The following UBE2R2 variants were observed in gnomAD, a reference collection of about 807,000 sequenced individuals.
The protein encoded by UBE2R2 is ubiquitin conjugating enzyme E2 R2.
UBE2R2 carries 1 observed loss-of-function variant against 27.8 expected under a neutral mutation model. The ratio of observed to expected loss-of-function variants is 0.04; its 90% CI spans 0.01 to 0.17. UBE2R2 has a LOEUF of 0.17. UBE2R2 is among the 10% of genes least tolerant of loss of function. UBE2R2 has a pLI of 1.00. For missense variants in UBE2R2, 100 were observed against 291.0 expected (o/e 0.34, Z 4.78); for synonymous variants, 106 against 113.3 (o/e 0.94, Z 0.41).
chr9:33,853,287 TC>T (rs1821011057), intron 1 of UBE2R2, among the ~76,000 whole-genome samples: 1 of 130,574 alleles, frequency 7.7e-6, no homozygotes, highest in Non-Finnish European at 1.6e-5. Flanking sequence ...CTTTTCTCTC[TC>T]TTTTTTTTTT....
At chr9:33,879,340 T>C (rs1445522021) in intron 1 of UBE2R2, among the ~76,000 whole-genome samples, 1 of 152,274 alleles carries the variant, frequency 6.6e-6, no homozygotes, top group African/African-American at 2.4e-5. Flanking sequence ...GCTTCTTGAG[T>C]CAGTGTTCTT....
chr9:33,913,399 T>C (rs1005325737), intron 4 of UBE2R2, among the ~76,000 whole-genome samples: 1 of 152,120 alleles, frequency 6.6e-6, no homozygotes, highest in Non-Finnish European at 1.5e-5. Context: ...ACTAAGACTA[T>C]AGGCATGCAC....
chr9:33,851,243 T>C (rs1820961205), intron 1 of UBE2R2, among the ~76,000 whole-genome samples: 1 of 152,180 alleles, frequency 6.6e-6, no homozygotes, highest in Admixed American at 6.6e-5. Context: ...TGAGGGTGAG[T>C]TGCCAACCTC....
chr9:33,892,208 G>A (rs780709681), intron 2 of UBE2R2, among the ~76,000 whole-genome samples: 1 of 151,960 alleles, frequency 6.6e-6, no homozygotes. Flanking sequence ...TGTTTAGTGA[G>A]CCTTAATATA....
chr9:33,826,815 C>T (rs1040226763), intron 1 of UBE2R2, among the ~76,000 whole-genome samples: 2 of 151,888 alleles, frequency 1.3e-5, no homozygotes, highest in Non-Finnish European at 2.9e-5. Context: ...CAGTGGCTCA[C>T]GATTATAATT....
chr9:33,821,444 C>A (rs1280665304), intron 1 of UBE2R2, among the ~76,000 whole-genome samples: 1 of 152,024 alleles, frequency 6.6e-6, no homozygotes, highest in Non-Finnish European at 1.5e-5. Flanking sequence ...AGGCGTCAGC[C>A]ACCATGCCCG....
chr9:33,897,277 C>T lies in UBE2R2; in HGVS notation c.265-2897C>T, dbSNP rs1401498993. Among the ~76,000 whole-genome samples, 5 of 148,970 alleles carry T rather than the reference C, an allele frequency of 3.4e-5. No individual in the cohort carries two copies. The South Asian group carries it at 1.1e-3, about 32-fold the overall frequency. On this transcript the variant is annotated intron_variant, in intron 2 of 4. Coordinates refer to ENST00000263228, the MANE Select transcript of UBE2R2 (RefSeq NM_017811.4). Reference sequence around the variant, plus strand: ...GGTCTCAATCTCCTGACCTCGTGATCCGCTGGCCTCGGCCTCCCAAAGTGC... The same window carrying T: ...GGTCTCAATCTCCTGACCTCGTGATTCGCTGGCCTCGGCCTCCCAAAGTGC...
At chr9:33,886,697 G>A (rs1207801623) in intron 1 of UBE2R2, among the ~76,000 whole-genome samples, 184 bp from the exon 2 acceptor site, 1 of 151,058 alleles carries the variant, frequency 6.6e-6, no homozygotes, top group Non-Finnish European at 1.5e-5. Flanking sequence ...ATTTGAAGGG[G>A]TGCTGTAAGA....
chr9:33,846,067 G>A (rs1015901215), intron 1 of UBE2R2, among the ~76,000 whole-genome samples: 26 of 151,716 alleles, frequency 1.7e-4, no homozygotes, highest in Non-Finnish European at 2.8e-4. Context: ...TGGAGCTTGC[G>A]GTGAGCCAAG....
intron 1 of UBE2R2, among the ~76,000 whole-genome samples, chr9:33,863,367 CA>C (rs1821288283): frequency 6.6e-6 from 1 of 151,208 alleles, no homozygotes; most frequent in South Asian, 2.1e-4. Context: ...CAAAAATAAG[CA>C]GGGCGTGGTG....
intron 1 of UBE2R2, among the ~76,000 whole-genome samples, chr9:33,845,265 T>A (rs1820818498): frequency 6.6e-6 from 1 of 150,998 alleles, no homozygotes; most frequent in South Asian, 2.1e-4. Flanking sequence ...TTTTTTTTTT[T>A]AGACGGAGTC....
intron 1 of UBE2R2, among the ~76,000 whole-genome samples, chr9:33,866,482 A>G (rs1380141388): frequency 2.0e-5 from 3 of 151,966 alleles, no homozygotes; most frequent in Admixed American, 2.0e-4. Flanking sequence ...CAGGCGATCC[A>G]CCCGCCTAGG....
At chr9:33,846,743 A>G (rs1760529367) in intron 1 of UBE2R2, among the ~76,000 whole-genome samples, 1 of 152,208 alleles carries the variant, frequency 6.6e-6, no homozygotes, top group African/African-American at 2.4e-5. Context: ...TAAGTTATAA[A>G]TGAATGAGTA....
At chr9:33,837,438 T>TG (rs1820638518) in intron 1 of UBE2R2, among the ~76,000 whole-genome samples, 2 of 149,740 alleles carry the variant, frequency 1.3e-5, no homozygotes, top group Admixed American at 1.3e-4. Context: ...TTTTTTTTTT[T>TG]GAGACAGGGT....
chr9:33,899,104 A>G (rs752825454), intron 2 of UBE2R2, among the ~76,000 whole-genome samples: 7 of 152,188 alleles, frequency 4.6e-5, no homozygotes, highest in Non-Finnish European at 1.0e-4. Context: ...GCAAGGTTAG[A>G]TATTTTTTCT....
chr9:33,874,574 ATAT>A lies in UBE2R2; in HGVS notation c.178-12296_178-12294del, dbSNP rs201004754. ...ACACATTGTTTTTATATATGTATATATATTATTATTATTTATCCTACCCGCCCC... is the reference window on the plus strand; with the variant it reads ...ACACATTGTTTTTATATATGTATATATATTATTATTTATCCTACCCGCCCC... On this transcript the variant is annotated intron_variant, in intron 1 of 4. Transcript: ENST00000263228. 8.6e-3 allele frequency among the ~76,000 whole-genome samples: 1,306 copies of A among 151,988 alleles called. 17 individuals are homozygous for A. The highest frequency in any genetic ancestry group is 0.029 in the African/African-American group (1,206 of 41,480).
chr9:33,897,418 A>G (rs1822139294), intron 2 of UBE2R2, among the ~76,000 whole-genome samples: 1 of 149,146 alleles, frequency 6.7e-6, no homozygotes, highest in Admixed American at 6.7e-5. Flanking sequence ...CCCGGGTTCA[A>G]GTGATTCTCC....
At chr9:33,845,270 G>A (rs1172901192) in intron 1 of UBE2R2, among the ~76,000 whole-genome samples, 4 of 146,524 alleles carry the variant, frequency 2.7e-5, no homozygotes, top group Admixed American at 6.8e-5. Flanking sequence ...TTTTTTAGAC[G>A]GAGTCTTGCT....
rs535876134 is a variant in UBE2R2 at position 33,912,962 on chromosome 9, AT to A, written c.497+874del. ...CCTCTTTTTTATTTGTTTCTAATTAATTTTTTTTTTCTTTTTGAGATGGAGT... is the reference window on the plus strand; with the variant it reads ...CCTCTTTTTTATTTGTTTCTAATTAATTTTTTTTTCTTTTTGAGATGGAGT... On this transcript the variant is annotated intron_variant, in intron 4 of 4. Coordinates refer to ENST00000263228, the MANE Select transcript of UBE2R2 (RefSeq NM_017811.4). Among the ~76,000 whole-genome samples, 17 of 150,002 alleles carry A rather than the reference AT, an allele frequency of 1.1e-4. No homozygotes were observed. The South Asian group carries it at 1.7e-3, about 15-fold the overall frequency.
Sources: allele counts gnomAD v4.1 joint callset (sites outside exome capture counted in the v4.1 genomes callset), GRCh38; gene constraint gnomAD v4.1.1; transcripts MANE v1.5; gene names NCBI Gene and HGNC (gene_info 2026-07-23, HGNC 2026-07-21).